The following LSAMP variants were observed in gnomAD, a reference collection of about 807,000 sequenced individuals.
LSAMP encodes limbic system associated membrane protein, also known as limbic system-associated membrane protein.
In LSAMP, 7 loss-of-function variants were observed where a neutral mutation model predicts 38.6. The observed-to-expected ratio is 0.18, with a 90% CI of 0.10 to 0.34. The LOEUF (loss-of-function observed/expected upper bound fraction) is 0.34. LSAMP is among the 10% of genes least tolerant of loss of function. The pLI is 1.00. For synonymous variants in LSAMP, 154 were observed against 166.8 expected, an observed-to-expected ratio of 0.92 and a Z score of 0.59; for missense variants, 313 against 420.0, an observed-to-expected ratio of 0.75 and a Z score of 2.23.
chr3:115,877,204 G>A (rs1427694735), intron 3 of LSAMP, among the ~76,000 whole-genome samples: 1 of 151,932 alleles, frequency 6.6e-6, no homozygotes, highest in Non-Finnish European at 1.5e-5. Context: ...ATTCCAGTTA[G>A]AATTTTGCCA....
At chr3:116,007,319 C>A (rs1940190216) in intron 3 of LSAMP, among the ~76,000 whole-genome samples, 1 of 151,934 alleles carries the variant, frequency 6.6e-6, no homozygotes. Flanking sequence ...TTGCTTCTCA[C>A]AAAGTTTCTT....
chr3:116,247,673 G>A (rs2046621749), intron 1 of LSAMP, among the ~76,000 whole-genome samples: 1 of 152,124 alleles, frequency 6.6e-6, no homozygotes, highest in African/African-American at 2.4e-5. Flanking sequence ...TGAAAACCAG[G>A]GAGAAATACC....
At chr3:116,390,187 T>C (rs1013083715) in intron 1 of LSAMP, among the ~76,000 whole-genome samples, 1 of 151,374 alleles carries the variant, frequency 6.6e-6, no homozygotes, top group African/African-American at 2.4e-5. Flanking sequence ...TCAGCAACAT[T>C]CGTGGATAGC....
chr3:116,047,374 TAA>T (rs71616339), intron 2 of LSAMP, among the ~76,000 whole-genome samples: 37,984 of 132,242 alleles, frequency 0.29, 5,264 homozygotes, highest in African/African-American at 0.37. Context: ...GAATCTAGTC[TAA>T]AAAAAAAAAA....
chr3:115,967,545 C>T (rs1032497681), intron 3 of LSAMP, among the ~76,000 whole-genome samples: 1 of 152,148 alleles, frequency 6.6e-6, no homozygotes, highest in African/African-American at 2.4e-5. Flanking sequence ...TTCAGCAGCA[C>T]CCCACTCCTG....
chr3:116,127,264 A>G (rs1350718541), intron 1 of LSAMP, among the ~76,000 whole-genome samples: 2 of 152,178 alleles, frequency 1.3e-5, no homozygotes, highest in Admixed American at 1.3e-4. Flanking sequence ...GTAGTGACTG[A>G]TCTGATTGTT....
intron 6 of LSAMP, chr3:115,816,566 A>G: frequency 8.5e-7 from 1 of 1,172,930 alleles, no homozygotes; most frequent in Non-Finnish European, 1.1e-6. Flanking sequence ...TATTGCTGTG[A>G]AATCTTAATT....
chr3:116,402,191 T>C (rs1365030192), intron 1 of LSAMP, among the ~76,000 whole-genome samples: 2 of 152,202 alleles, frequency 1.3e-5, no homozygotes, highest in African/African-American at 4.8e-5. Flanking sequence ...CGATTTCACA[T>C]GTTAGGGCTA....
At chr3:115,909,387 A>G (rs1937085575) in intron 3 of LSAMP, among the ~76,000 whole-genome samples, 1 of 152,324 alleles carries the variant, frequency 6.6e-6, no homozygotes, top group Admixed American at 6.5e-5. Flanking sequence ...TATAAGAACC[A>G]GTTGGAAGAG....
intron 1 of LSAMP, among the ~76,000 whole-genome samples, chr3:116,400,658 A>T (rs149191357): frequency 0.011 from 1,635 of 152,038 alleles, 35 homozygotes; most frequent in African/African-American, 0.038. Context: ...TTGTATTTTT[A>T]GTAGGGACGG....
At chr3:115,818,483 C>G (rs1371303879) in intron 6 of LSAMP, among the ~76,000 whole-genome samples, 1 of 151,992 alleles carries the variant, frequency 6.6e-6, no homozygotes, top group Non-Finnish European at 1.5e-5. Context: ...CTTCACCTCT[C>G]TTTGCGTCAG....
chr3:116,391,964 A>G (rs1416816470), intron 1 of LSAMP, among the ~76,000 whole-genome samples: 3 of 152,164 alleles, frequency 2.0e-5, no homozygotes, highest in African/African-American at 4.8e-5. Flanking sequence ...GGCCAGGCCC[A>G]GGGCTTCAAT....
chr3:116,386,837 G>A (rs1182203258), intron 1 of LSAMP, among the ~76,000 whole-genome samples: 3 of 152,098 alleles, frequency 2.0e-5, no homozygotes, highest in African/African-American at 7.2e-5. Context: ...AAGCCTTAAT[G>A]GAAGAAGCAA....
At chr3:116,143,632 A>G (rs928516963) in intron 1 of LSAMP, among the ~76,000 whole-genome samples, 4 of 151,978 alleles carry the variant, frequency 2.6e-5, no homozygotes, top group African/African-American at 9.7e-5. Context: ...TATTTTAACT[A>G]TGACCCCTTT....
At chr3:116,431,828 A>G (rs4831098) in intron 1 of LSAMP, among the ~76,000 whole-genome samples, 15,942 of 152,088 alleles carry the variant, frequency 0.1, 883 homozygotes, top group Middle Eastern at 0.18. Context: ...CTTTGAAAGA[A>G]AATAGAAATT....
intron 1 of LSAMP, among the ~76,000 whole-genome samples, chr3:116,089,524 A>T (rs757625270): frequency 2.2e-4 from 34 of 152,038 alleles, no homozygotes; most frequent in Non-Finnish European, 3.2e-4. Context: ...CGCCCGCCTA[A>T]TTTTTTGTAT....
At chr3:116,271,048 A>C (rs181140510) in intron 1 of LSAMP, among the ~76,000 whole-genome samples, 21 of 152,230 alleles carry the variant, frequency 1.4e-4, no homozygotes, top group East Asian at 1.2e-3. Context: ...AAAGGTAGAA[A>C]TATAGGGTTA....
At chr3:116,260,774 G>C (rs1006526838) in intron 1 of LSAMP, among the ~76,000 whole-genome samples, 2 of 152,144 alleles carry the variant, frequency 1.3e-5, no homozygotes, top group African/African-American at 4.8e-5. Context: ...AAGCCAATTA[G>C]TGTGTATCTA....
rs143784076 is a variant in LSAMP at position 115,934,304 on chromosome 3, A to T, written c.515-81687T>A. On this transcript the variant is annotated intron_variant, in intron 3 of 6. Transcript: ENST00000490035. ...AGCAATTCTCAAGCCTCCGCCTCCC[A>T]ATAGGTTGGATTACAGGCGCCCGCC... 5.8e-3 allele frequency among the ~76,000 whole-genome samples: 886 copies of T among 151,706 alleles called. 13 individuals carry two copies. The highest frequency in any genetic ancestry group is 0.021 in the African/African-American group (852 of 41,346).
Sources: gnomAD v4.1 joint callset for allele counts (sites outside exome capture counted in the v4.1 genomes callset) on GRCh38, gnomAD v4.1.1 for gene constraint, MANE v1.5 for transcripts, NCBI Gene and HGNC (gene_info 2026-07-23, HGNC 2026-07-21) for gene names.